LTN1: variants seen among roughly 807,000 people sequenced by gnomAD.
LTN1 encodes E3 ubiquitin-protein ligase listerin.
In LTN1, 88 loss-of-function variants were observed where a neutral mutation model predicts 201.2. That is an observed-to-expected ratio of 0.44 (90% confidence interval 0.37 to 0.52). LTN1 has a LOEUF of 0.52. Among genes scored for constraint, LTN1 ranks in the 20% least tolerant of loss-of-function variants. LTN1 has a pLI of 0.00. For missense variants in LTN1, 1,752 were observed against 2,038.7 expected (o/e 0.86, Z 2.71); for synonymous variants, 645 against 713.5 (o/e 0.90, Z 1.53).
chr21:28,931,648 GA>G (rs1028150063), intron 28 of LTN1, among the ~76,000 whole-genome samples: 1 of 152,202 alleles, frequency 6.6e-6, no homozygotes, highest in African/African-American at 2.4e-5. Flanking sequence ...TGAAAATGAT[GA>G]AATTATCTCA....
chr21:28,957,536 C>T (rs917684253), intron 14 of LTN1, 60 bp from the exon 15 acceptor site: 1 of 1,187,622 alleles, frequency 8.4e-7, no homozygotes, highest in African/African-American at 1.6e-5. Context: ...TTGAATACCC[C>T]AATACATATT....
intron 18 of LTN1, 82 bp from the exon 19 acceptor site, chr21:28,947,688 GAA>G (rs1482434181): frequency 1.3e-6 from 1 of 756,242 alleles, no homozygotes; most frequent in Non-Finnish European, 2.0e-6. Flanking sequence ...TTAGACTACT[GAA>G]AAAGATAGAT....
chr21:28,930,938 A>T (rs1412337482), intron 29 of LTN1, among the ~76,000 whole-genome samples: 4 of 152,156 alleles, frequency 2.6e-5, no homozygotes, highest in African/African-American at 4.8e-5. Flanking sequence ...GAGGGCCTTG[A>T]TTCTACCAGT....
intron 1 of LTN1, among the ~76,000 whole-genome samples, chr21:28,987,295 C>T (rs2084705731): frequency 6.6e-6 from 1 of 152,110 alleles, no homozygotes; most frequent in African/African-American, 2.4e-5. Context: ...TTCATAAATG[C>T]TGTTATGAAT....
chr21:28,986,603 A>G lies in LTN1; in HGVS notation c.246+128T>C. 1 of 738,326 alleles carries G rather than the reference A, an allele frequency of 1.4e-6. No individual in the cohort carries two copies. Among genetic ancestry groups the G allele is most frequent in the Non-Finnish European group, 2.2e-6 (1 of 454,240 alleles). 45.7% of individuals were successfully genotyped at this position (738,326 alleles called of 1,614,324 possible). On this transcript the variant is annotated intron_variant, in intron 2 of 29. Coordinates refer to ENST00000361371, the MANE Select transcript of LTN1 (RefSeq NM_015565.3). This position sits in a 1 kb window ranked among gnomAD's most constrained non-coding sequence, Gnocchi z 4.1. ...AACTAAGTTTAAGACTCTGTGTCAG[A>G]AAAAAGTACAATTATAAAAGAACTT...
At chr21:28,953,543 C>G (rs1179909736) in intron 16 of LTN1, among the ~76,000 whole-genome samples, 167 bp from the exon 17 acceptor site, 1 of 152,166 alleles carries the variant, frequency 6.6e-6, no homozygotes, top group African/African-American at 2.4e-5. Flanking sequence ...ACAATGAAAA[C>G]TGAGAATATA....
intron 29 of LTN1, 55 bp downstream of exon 29, chr21:28,931,100 T>TGTG (rs58579273): frequency 9.5e-7 from 1 of 1,049,014 alleles, no homozygotes; most frequent in East Asian, 2.4e-5. Flanking sequence ...TGTGTGTGTG[T>TGTG]TTATGTGTAT....
intron 19 of LTN1, 75 bp from the exon 20 acceptor site, chr21:28,946,362 G>C: frequency 1.0e-6 from 1 of 984,362 alleles, no homozygotes; most frequent in Non-Finnish European, 1.4e-6. Context: ...AGTCCACTTT[G>C]AGAAGTAAAA....
intron 9 of LTN1, among the ~76,000 whole-genome samples, 166 bp from the exon 10 acceptor site, chr21:28,967,345 C>G (rs193213808): frequency 6.6e-6 from 1 of 152,016 alleles, no homozygotes; most frequent in South Asian, 2.1e-4. Context: ...GGGCTGATCA[C>G]CAGAAAGACC....
In LTN1 at chr21:28,957,358, T is replaced by C. The variant is rs1057142819; in HGVS notation, c.2866A>G (p.Lys956Glu). ...SVMPNDSEWE[K>E]MRQSLPMQWL... Reference sequence around the variant, plus strand: ...TGCATAGGAAGAGACTGCCTCATCTTTTCCCATTCACTGTCGTTCGGCATT... The same window carrying C: ...TGCATAGGAAGAGACTGCCTCATCTCTTCCCATTCACTGTCGTTCGGCATT... The change falls in exon 15 of 30, where the codon AAG (lysine) becomes GAG (glutamate). Residue 956 changes from lysine (K) to glutamate (E), a missense_variant. By Grantham distance (56) the Lys-to-Glu change is moderately conservative. Around this residue, in one of 3 missense-constraint regions of LTN1, gnomAD observed 1,211 missense variants for 1,312.8 expected, o/e 0.92. Transcript: ENST00000361371. 2 of 1,603,532 alleles carry C rather than the reference T, an allele frequency of 1.2e-6. No individual in the cohort carries two copies. Among genetic ancestry groups the C allele is most frequent in the African/African-American group, 2.7e-5 (2 of 74,208 alleles).
At chr21:28,942,041 A>G (rs1349505985) in intron 24 of LTN1, among the ~76,000 whole-genome samples, 2 of 152,212 alleles carry the variant, frequency 1.3e-5, no homozygotes, top group Admixed American at 1.3e-4. Context: ...GAGATTCTCA[A>G]AAAGTAAAAT....
chr21:28,991,668 G>T (rs2084747491), intron 1 of LTN1, among the ~76,000 whole-genome samples: 1 of 152,178 alleles, frequency 6.6e-6, no homozygotes, highest in African/African-American at 2.4e-5. Context: ...GAGAAAATCT[G>T]TTAAATAAAA....
chr21:28,982,494 A>C (rs755514822), intron 4 of LTN1, 126 bp from the exon 5 acceptor site: 1 of 681,362 alleles, frequency 1.5e-6, no homozygotes, highest in East Asian at 2.7e-5. Flanking sequence ...CTAAGAGCAG[A>C]ATCAAATAGC....
intron 27 of LTN1, among the ~76,000 whole-genome samples, chr21:28,934,380 A>C (rs1341034056): frequency 6.6e-6 from 1 of 152,070 alleles, no homozygotes; most frequent in African/African-American, 2.4e-5. Context: ...GTAATCCCAA[A>C]TGTTGGAAGT....
chr21:28,966,046 T>G, intron 10 of LTN1, 140 bp from the exon 11 acceptor site: 1 of 625,206 alleles, frequency 1.6e-6, no homozygotes, highest in Non-Finnish European at 2.8e-6. Flanking sequence ...TAGCTGGGAC[T>G]ACATGCATGC....
Position 28,935,306 on chromosome 21 carries a change from T to C in LTN1, c.4678A>G (p.Ile1560Val). 1 of 1,613,702 alleles carries C rather than the reference T, an allele frequency of 6.2e-7. No individual in the cohort carries two copies. The highest frequency in any genetic ancestry group is 8.5e-7 in the Non-Finnish European group (1 of 1,179,654). ...IRETTMLPYH[I>V]PHLACSVYHM... ...TAGACTGAACAAGCCAAGTGTGGAA[T>C]GTGGTATGGAAGCATTGTTGTTTCT... is the stretch of plus-strand genomic sequence containing the variant. Residue 1560 changes from isoleucine to valine, a missense_variant, in exon 27 of 30, where the codon ATT becomes GTT. By Grantham distance (29) the Ile-to-Val change is conservative. Around this residue, in one of 3 missense-constraint regions of LTN1, gnomAD observed 261 missense variants for 350.1 expected, o/e 0.75. Transcript: ENST00000361371.
At chr21:28,980,135 T>G (rs1055614818) in intron 6 of LTN1, among the ~76,000 whole-genome samples, 1 of 152,098 alleles carries the variant, frequency 6.6e-6, no homozygotes, top group African/African-American at 2.4e-5. Context: ...CTTTTCACAG[T>G]ACTTTTTCAA....
chr21:28,955,285 G>A (rs2084415445), intron 16 of LTN1, among the ~76,000 whole-genome samples: 1 of 151,918 alleles, frequency 6.6e-6, no homozygotes, highest in Non-Finnish European at 1.5e-5. Context: ...GGGCAACATA[G>A]TAACACCCCA....
chr21:28,991,631 TAAG>T (rs945192048), intron 1 of LTN1, among the ~76,000 whole-genome samples: 5 of 152,366 alleles, frequency 3.3e-5, no homozygotes, highest in African/African-American at 1.2e-4. Context: ...CTTTTCCTCA[TAAG>T]AACTTTTCAA....
Sources: gnomAD v4.1 joint callset for allele counts (sites outside exome capture counted in the v4.1 genomes callset) on GRCh38, gnomAD v4.1.1 for gene constraint, gnomAD v4.1.1 regional missense constraint, Gnocchi (gnomAD v3.1) non-coding constraint, MANE v1.5 for transcripts, NCBI Gene and HGNC (gene_info 2026-07-23, HGNC 2026-07-21) for gene names.